Variants in CELF2 observed in about 807,000 individuals in gnomAD.
CELF2 encodes CUG triplet repeat RNA-binding protein 2.
CELF2 carries 8 observed loss-of-function variants against 62.6 expected under a neutral mutation model. That is an observed-to-expected ratio of 0.13 (90% CI 0.07 to 0.23). The LOEUF (loss-of-function observed/expected upper bound fraction) is 0.23. Among genes scored for constraint, CELF2 ranks in the 10% least tolerant of loss-of-function variants. The pLI, the probability that CELF2 is intolerant of heterozygous loss-of-function variation, is 1.00. For synonymous variants in CELF2, 258 were observed against 250.0 expected, an observed-to-expected ratio of 1.03 and a Z score of -0.30; for missense variants, 333 against 671.0, an observed-to-expected ratio of 0.50 and a Z score of 5.56.
At chr10:10,561,561 G>A in the CELF2 span, among the ~76,000 whole-genome samples, 1 of 152,190 alleles carries the variant, frequency 6.6e-6, no homozygotes, top group South Asian at 2.1e-4. Context: ...ATTTTGATGA[G>A]TGCTAAGGAG....
chr10:10,754,406 C>A, the CELF2 span, among the ~76,000 whole-genome samples: 1 of 152,078 alleles, frequency 6.6e-6, no homozygotes, highest in Non-Finnish European at 1.5e-5. Flanking sequence ...CTCGCTTCAG[C>A]CTCCCAAAGT....
At chr10:11,204,307 G>T (rs1311304056) in intron 2 of CELF2, among the ~76,000 whole-genome samples, 2 of 152,160 alleles carry the variant, frequency 1.3e-5, no homozygotes, top group Non-Finnish European at 2.9e-5. Flanking sequence ...CCATTAAACC[G>T]CATCTCTCTT....
At chr10:10,718,480 C>T in the CELF2 span, among the ~76,000 whole-genome samples, 14 of 152,086 alleles carry the variant, frequency 9.2e-5, no homozygotes, top group African/African-American at 2.7e-4. Flanking sequence ...AAAAATTAGC[C>T]GGGCATGGTG....
rs547530670 is a variant in CELF2, at chr10:10,988,277, G to GTA, written c.89+68295_89+68296dup. Among the ~76,000 whole-genome samples the GTA allele has an allele frequency of 5.9e-3, 879 of 147,978 alleles. 4 individuals are homozygous for GTA. The highest frequency in any genetic ancestry group is 0.014 in the South Asian group (65 of 4,630). ...CACACATACATATATATGTGTGTGT[G>GTA]TATATATATATATATATAGAGAGAG... On this transcript the variant is annotated intron_variant, in intron 2 of 13. Transcript: ENST00000636488.
the CELF2 span, among the ~76,000 whole-genome samples, chr10:10,498,364 G>C: frequency 1.3e-5 from 2 of 152,242 alleles, no homozygotes; most frequent in African/African-American, 4.8e-5. Context: ...GAAGGAAGTA[G>C]GTGATCGGGC....
intron 2 of CELF2, among the ~76,000 whole-genome samples, chr10:10,939,486 A>T (rs1053140790): frequency 1.3e-5 from 2 of 151,802 alleles, no homozygotes; most frequent in Non-Finnish European, 1.5e-5. Context: ...GGGTTTCACC[A>T]TGTTGGCCAG....
At chr10:11,202,607 C>A (rs187186262) in intron 2 of CELF2, among the ~76,000 whole-genome samples, 1 of 152,306 alleles carries the variant, frequency 6.6e-6, no homozygotes, top group Admixed American at 6.5e-5. Flanking sequence ...ATTCAGGGAG[C>A]TAAGACTTGC....
At position 11,214,990 on chromosome 10, in the gene CELF2, A is replaced by G. The variant is rs940143962; in HGVS notation, c.272-2435A>G. On this transcript the variant is annotated intron_variant, in intron 2 of 12. Transcript: ENST00000633077. The surrounding 1 kb of genome is among the most constrained non-coding windows in gnomAD (Gnocchi z 4.2). ...TGCCATCCCACCCTGCTTAGATACC[A>G]GCTTCAATCTGTCCGTTTCTGAAAA... Among the ~76,000 whole-genome samples, 2 of 152,162 alleles carry G rather than the reference A, an allele frequency of 1.3e-5. No homozygotes were observed. Among genetic ancestry groups the G allele is most frequent in the African/African-American group, 4.8e-5 (2 of 41,434 alleles).
intron 2 of CELF2, among the ~76,000 whole-genome samples, chr10:10,966,397 G>T (rs764493237): frequency 3.9e-5 from 6 of 152,272 alleles, no homozygotes; most frequent in East Asian, 1.9e-4. Flanking sequence ...GGATATTTTT[G>T]ATCTCTTTCT....
At position 11,329,887 on chromosome 10, in the gene CELF2, A is replaced by G. The variant is rs1233726751; in HGVS notation, c.*834A>G. The G allele has an allele frequency of 1.3e-5, 2 of 152,540 alleles. No homozygotes were observed. The highest frequency in any genetic ancestry group is 1.3e-4 in the Admixed American group (2 of 15,280). The allele number at this position is 152,540 out of a possible 1,614,324, so 9.4% of individuals were successfully genotyped here. Reference sequence around the variant, plus strand: ...AAAAAAGAAAGCCACAGGCCTGTAAATTTTATTTGTAAAAAAGCATTTCTA... The same window carrying G: ...AAAAAAGAAAGCCACAGGCCTGTAAGTTTTATTTGTAAAAAAGCATTTCTA... On this transcript the variant is annotated 3_prime_UTR_variant, in exon 13 of 13. Transcript: ENST00000633077. The surrounding 1 kb of genome is among the most constrained non-coding windows in gnomAD (Gnocchi z 5.5).
At chr10:11,184,105 TTGAAGTTCA>T (rs2074218516) in intron 2 of CELF2, among the ~76,000 whole-genome samples, 1 of 152,258 alleles carries the variant, frequency 6.6e-6, no homozygotes, top group South Asian at 2.1e-4. Flanking sequence ...GAATTATTTA[TTGAAGTTCA>T]TCTTTTTGCA....
At chr10:10,533,450 T>G in the CELF2 span, among the ~76,000 whole-genome samples, 4 of 152,250 alleles carry the variant, frequency 2.6e-5, no homozygotes, top group African/African-American at 7.2e-5. Context: ...AAATACCTAT[T>G]ATGGGTCATT....
intron 2 of CELF2, chr10:10,926,917 G>C (rs1000099361): frequency 6.6e-6 from 1 of 152,006 alleles, no homozygotes; most frequent in African/African-American, 2.4e-5. Context: ...TTCAACCTAG[G>C]GACAACTTCC....
At chr10:11,253,157 C>G (rs948352454) in intron 4 of CELF2, among the ~76,000 whole-genome samples, 2 of 152,180 alleles carry the variant, frequency 1.3e-5, no homozygotes, top group African/African-American at 2.4e-5. Flanking sequence ...ACTCTGATGT[C>G]TTTGCCTCTT....
intron 2 of CELF2, among the ~76,000 whole-genome samples, chr10:10,955,053 A>G (rs927464050): frequency 3.9e-5 from 6 of 152,208 alleles, no homozygotes; most frequent in Non-Finnish European, 7.3e-5. Context: ...GTAAGGTTAA[A>G]TGTGTATTTT....
Position 11,332,485 on chromosome 10 carries a change from A to G in CELF2, c.*3432A>G, listed in dbSNP as rs2096046314. ...AAGTAAAGCTCAGTTCTTTATCACAATTTACTGACCAAATACCTAGCACCA... is the reference window on the plus strand; with the variant it reads ...AAGTAAAGCTCAGTTCTTTATCACAGTTTACTGACCAAATACCTAGCACCA... On this transcript the variant is annotated 3_prime_UTR_variant, in exon 13 of 13. Transcript: ENST00000633077. 6.6e-6 allele frequency: 1 copy of G among 152,506 alleles called. No homozygotes were observed. The allele number at this position is 152,506 out of a possible 1,614,324, so 9.4% of individuals were successfully genotyped here.
At chr10:10,783,323 A>G in the CELF2 span, among the ~76,000 whole-genome samples, 45,579 of 151,950 alleles carry the variant, frequency 0.3, 7,628 homozygotes, top group East Asian at 0.52. Context: ...GAACACAGAG[A>G]CAGGTACAGG....
chr10:11,237,749 G>A lies in CELF2; in HGVS notation c.355-11404G>A, dbSNP rs1203054304. 8.5e-6 allele frequency among the ~76,000 whole-genome samples: 1 copy of A among 117,954 alleles called. No homozygotes were observed. Among genetic ancestry groups the A allele is most frequent in the East Asian group, 2.5e-4 (1 of 3,936 alleles). The allele number at this position is 117,954 out of a possible 152,430, so 77.4% of individuals were successfully genotyped here. On this transcript the variant is annotated intron_variant, in intron 3 of 12. Transcript: ENST00000633077. The surrounding 1 kb of genome is among the most constrained non-coding windows in gnomAD (Gnocchi z 4.0). Reference sequence around the variant, plus strand: ...CTGACAACAGCTGGCACTGGGGAGGGCACCGAAGGCTGAGGGAGCACTGAG... The same window carrying A: ...CTGACAACAGCTGGCACTGGGGAGGACACCGAAGGCTGAGGGAGCACTGAG...
At chr10:10,719,829 A>C in the CELF2 span, among the ~76,000 whole-genome samples, 40 of 152,362 alleles carry the variant, frequency 2.6e-4, no homozygotes, top group Non-Finnish European at 4.7e-4. Flanking sequence ...GTACATAGTA[A>C]GCACTCAGCA....
Sources: gnomAD v4.1 joint callset for allele counts (sites outside exome capture counted in the v4.1 genomes callset) on GRCh38, gnomAD v4.1.1 for gene constraint, Gnocchi (gnomAD v3.1) non-coding constraint, MANE v1.5 for transcripts, NCBI Gene and HGNC (gene_info 2026-07-23, HGNC 2026-07-21) for gene names.